CSE1L: variants seen among roughly 807,000 people sequenced by gnomAD.
The protein encoded by CSE1L is exportin-2.
A neutral mutation model predicts 120.4 loss-of-function variants in CSE1L; 24 were observed. That is an observed-to-expected ratio of 0.20 (90% CI 0.14 to 0.28). The LOEUF (loss-of-function observed/expected upper bound fraction) is 0.28. CSE1L is among the 10% of genes least tolerant of loss of function. CSE1L has a pLI of 1.00. For missense variants in CSE1L, 830 were observed against 1,145.2 expected, an observed-to-expected ratio of 0.72 and a Z score of 3.97; for synonymous variants, 402 against 398.3, an observed-to-expected ratio of 1.01 and a Z score of -0.11.
At position 49,065,312 on chromosome 20, in the gene CSE1L, AATTTTT is replaced by A. The variant is rs2091882928; in HGVS notation, c.229-879_229-874del. Among the ~76,000 whole-genome samples, 6 of 79,398 alleles carry A rather than the reference AATTTTT, an allele frequency of 7.6e-5. 1 individual carries two copies. Among genetic ancestry groups the A allele is most frequent in the Admixed American group, 4.4e-4 (3 of 6,876 alleles). The allele number at this position is 79,398 out of a possible 152,430, so 52.1% of individuals were successfully genotyped here. On this transcript the variant is annotated intron_variant, in intron 3 of 24. Coordinates refer to ENST00000262982, the MANE Select transcript of CSE1L (RefSeq NM_001316.4). Reference sequence around the variant, plus strand: ...TAGTTTACATATGAAATGAAAAAAAAATTTTTTTTTTTTTTTTTTTTTTTTTTTGAG... The same window carrying A: ...TAGTTTACATATGAAATGAAAAAAAATTTTTTTTTTTTTTTTTTTTTTGAG...
Position 49,063,309 on chromosome 20 carries a change from A to T in CSE1L, c.193A>T (p.Thr65Ser). Residue 65 changes from threonine to serine, a missense_variant, in exon 3 of 25, where the codon ACA (threonine) becomes TCA (serine). Around this residue, in one of 4 missense-constraint regions of CSE1L, gnomAD observed 543 missense variants for 640.2 expected, o/e 0.85. Coordinates refer to ENST00000262982, the MANE Select transcript of CSE1L (RefSeq NM_001316.4). ...DNVIKVCASV[T>S]FKNYIKRNWR... ...TGTTATCAAAGTATGTGCTTCAGTA[A>T]CATTCAAAAACTATATTAAAAGGAA... is the stretch of plus-strand genomic sequence containing the variant. 6.5e-7 allele frequency: 1 copy of T among 1,530,096 alleles called. No individual in the cohort carries two copies. The highest frequency in any genetic ancestry group is 8.8e-7 in the Non-Finnish European group (1 of 1,130,528). 94.8% of individuals were successfully genotyped at this position (1,530,096 alleles called of 1,614,324 possible).
intron 15 of CSE1L, among the ~76,000 whole-genome samples, chr20:49,084,835 G>A (rs909678732): frequency 4.6e-5 from 7 of 152,166 alleles, no homozygotes; most frequent in Non-Finnish European, 8.8e-5. Context: ...TTGAAGTACA[G>A]ATACTCTCAG....
intron 10 of CSE1L, among the ~76,000 whole-genome samples, chr20:49,074,176 A>AGTCTGTGTGT (rs550372543): frequency 9.5e-5 from 11 of 115,424 alleles, no homozygotes; most frequent in Non-Finnish European, 1.7e-5. Context: ...ATACAACTGC[A>AGTCTGTGTGT]GTGTGTGTGT....
chr20:49,081,511 T>G (rs968029715), intron 14 of CSE1L, among the ~76,000 whole-genome samples: 1 of 152,256 alleles, frequency 6.6e-6, no homozygotes, highest in African/African-American at 2.4e-5. Flanking sequence ...CTTCCCCAGT[T>G]AGAGTATGTT....
Position 49,089,704 on chromosome 20 carries a change from A to C in CSE1L, c.2139A>C (p.Glu713Asp), listed in dbSNP as rs1462375791. 1.9e-6 allele frequency: 3 copies of C among 1,614,108 alleles called. No individual in the cohort carries two copies. The African/African-American group carries it at 4.0e-5, about 22-fold the overall frequency. ...TGAGGCTTCTTCAAGCATTCTTAGA[A>C]CGCGGTTCAAACACAATAGCAAGTG... ...ALVRLLQAFL[E>D]RGSNTIASAA... The change falls in exon 19 of 25, where the codon GAA becomes GAC. Residue 713 changes from glutamate to aspartate, a missense_variant. By Grantham distance (45) the Glu-to-Asp change is conservative. Around this residue, in one of 4 missense-constraint regions of CSE1L, gnomAD observed 168 missense variants for 267.9 expected, o/e 0.63. Coordinates refer to ENST00000262982, the MANE Select transcript of CSE1L (RefSeq NM_001316.4).
chr20:49,084,074 C>T lies in CSE1L; in HGVS notation c.1531C>T (p.Leu511Phe), dbSNP rs752133448. ...CTCGATTCCTCTCTTGATTAATCAT[C>T]TTCAAGCTGAAAGTATTGTTGTTCA... ...LVSIPLLINH[L>F]QAESIVVHTY... Residue 511 changes from leucine (L) to phenylalanine (F), a missense_variant, in exon 15 of 25, where the codon CTT becomes TTT. Around this residue, in one of 4 missense-constraint regions of CSE1L, gnomAD observed 543 missense variants for 640.2 expected, o/e 0.85. Coordinates refer to ENST00000262982, the MANE Select transcript of CSE1L (RefSeq NM_001316.4). 1.2e-6 allele frequency: 2 copies of T among 1,613,960 alleles called. No homozygotes were observed. Among genetic ancestry groups the T allele is most frequent in the South Asian group, 1.1e-5 (1 of 91,080 alleles).
rs1315059886 is a variant in CSE1L, at chr20:49,094,780, T to C, written c.2643T>C (p.Asp881=). ...SLIGLFELPE[D]DTIPDEEHFI... ...TTGGTCTTTTTGAGTTACCCGAAGA[T>C]GATACCATTCCTGATGAGGAACATT... The change falls in exon 24 of 25, where the codon GAT becomes GAC. Residue 881 remains aspartate, a synonymous_variant. Transcript: ENST00000262982. 12 of 1,614,110 alleles carry C rather than the reference T, an allele frequency of 7.4e-6. No individual in the cohort carries two copies. Among genetic ancestry groups the C allele is most frequent in the Non-Finnish European group, 1.0e-5 (12 of 1,179,974 alleles).
chr20:49,049,611 C>G (rs1296629102), intron 1 of CSE1L, among the ~76,000 whole-genome samples: 3 of 152,082 alleles, frequency 2.0e-5, no homozygotes, highest in Admixed American at 2.0e-4. Flanking sequence ...AGAGCTTGAT[C>G]TTGTTGATAA....
chr20:49,089,875 T>A, intron 19 of CSE1L, 129 bp downstream of exon 19: 2 of 817,458 alleles, frequency 2.4e-6, no homozygotes, highest in Non-Finnish European at 3.8e-6. Context: ...CCCACCACTT[T>A]GGGAGCCTCT....
intron 2 of CSE1L, among the ~76,000 whole-genome samples, chr20:49,061,211 C>T (rs762000821): frequency 6.8e-4 from 88 of 130,326 alleles, no homozygotes; most frequent in South Asian, 5.4e-3. Context: ...CTCCCTCTGT[C>T]GCCCAGGCTA....
rs540859018 is a variant in CSE1L, at chr20:49,058,956, C to A, written c.85+408C>A. 3.3e-5 allele frequency among the ~76,000 whole-genome samples: 5 copies of A among 152,018 alleles called. No homozygotes were observed. In the South Asian group the frequency reaches 1.0e-3, roughly 32 times the overall value. On this transcript the variant is annotated intron_variant, in intron 2 of 24. Coordinates refer to ENST00000262982, the MANE Select transcript of CSE1L (RefSeq NM_001316.4). ...ACCATCCTGGCTAACACGGTGAAAC[C>A]CCGTCTCTACTAAAAGTACAAAAAA...
intron 5 of CSE1L, 50 bp from the exon 6 acceptor site, chr20:49,067,140 A>G: frequency 8.4e-7 from 1 of 1,188,644 alleles, no homozygotes; most frequent in South Asian, 1.3e-5. Flanking sequence ...ACCTAAAGTG[A>G]GTAAATAAAA....
intron 8 of CSE1L, among the ~76,000 whole-genome samples, chr20:49,071,779 G>T (rs920650178): frequency 2.0e-5 from 3 of 151,960 alleles, no homozygotes; most frequent in Non-Finnish European, 2.9e-5. Flanking sequence ...TGGCTAACAC[G>T]GTGAAACCCC....
intron 21 of CSE1L, among the ~76,000 whole-genome samples, 154 bp downstream of exon 21, chr20:49,091,176 A>G (rs1235995141): frequency 6.6e-6 from 1 of 152,196 alleles, no homozygotes; most frequent in Non-Finnish European, 1.5e-5. Context: ...TAATCGCAGC[A>G]CTTTGGGTGG....
intron 19 of CSE1L, 23 bp from the exon 20 acceptor site, chr20:49,090,718 CT>C: frequency 6.3e-7 from 1 of 1,578,416 alleles, no homozygotes; most frequent in Non-Finnish European, 8.7e-7. Context: ...TAACCATTTT[CT>C]GTTGGATCTC....
intron 3 of CSE1L, among the ~76,000 whole-genome samples, chr20:49,064,997 A>G (rs1185447797): frequency 1.3e-5 from 2 of 151,496 alleles, no homozygotes; most frequent in Non-Finnish European, 2.9e-5. Flanking sequence ...TCTCTACAAA[A>G]AAATTTAAAA....
At chr20:49,081,534 A>G (rs1343023631) in intron 14 of CSE1L, among the ~76,000 whole-genome samples, 1 of 152,216 alleles carries the variant, frequency 6.6e-6, no homozygotes, top group African/African-American at 2.4e-5. Flanking sequence ...AATTTTGCCA[A>G]TCTTAAATGG....
At chr20:49,096,302 C>T (rs370718645) in intron 24 of CSE1L, 47 bp from the exon 25 acceptor site, 79 of 1,440,884 alleles carry the variant, frequency 5.5e-5, no homozygotes, top group Non-Finnish European at 6.7e-5. Flanking sequence ...TTTGTATTGG[C>T]GCACCAAGAT....
rs576759812 is a variant in CSE1L at position 49,091,835 on chromosome 20, G to T, written c.2366-211G>T. ...TGGATACCAAAACATTTTTTCAGTA[G>T]AGAGAATATTATAAGGAAATATAAA... On this transcript the variant is annotated intron_variant, in intron 21 of 24. Coordinates refer to ENST00000262982, the MANE Select transcript of CSE1L (RefSeq NM_001316.4). Among the ~76,000 whole-genome samples, 6 of 152,298 alleles carry T rather than the reference G, an allele frequency of 3.9e-5. No homozygotes were observed. In the East Asian group the frequency reaches 1.2e-3, roughly 29 times the overall value.
Sources: gnomAD v4.1 joint callset for allele counts (sites outside exome capture counted in the v4.1 genomes callset) on GRCh38, gnomAD v4.1.1 for gene constraint, gnomAD v4.1.1 regional missense constraint, MANE v1.5 for transcripts, NCBI Gene and HGNC (gene_info 2026-07-23, HGNC 2026-07-21) for gene names.